ZNF576: variants seen among roughly 807,000 people sequenced by gnomAD.
ZNF576 encodes zinc finger protein 576.
ZNF576 carries 9 observed loss-of-function variants against 10.8 expected under a neutral mutation model. That is an observed-to-expected ratio of 0.84 (90% confidence interval 0.50 to 1.46). ZNF576 has a LOEUF of 1.46. Ranked by LOEUF, ZNF576 falls within the 40% of genes most tolerant of loss-of-function variation. ZNF576 has a pLI of 0.00. For synonymous variants in ZNF576, 88 were observed against 89.6 expected (o/e 0.98, Z 0.10); for missense variants, 191 against 233.7 (o/e 0.82, Z 1.19).
intron 2 of ZNF576, among the ~76,000 whole-genome samples, chr19:43,598,127 A>G (rs1973170072): frequency 6.6e-6 from 1 of 152,266 alleles, no homozygotes; most frequent in Non-Finnish European, 1.5e-5. Context: ...ATAAAGCAGC[A>G]GCAGACATTC....
At position 43,600,568 on chromosome 19, in the gene ZNF576, C is replaced by G. The variant is rs923701065; in HGVS notation, c.*1310C>G. 3 of 152,186 alleles carry G rather than the reference C, an allele frequency of 2.0e-5. No homozygotes were observed. Among genetic ancestry groups the G allele is most frequent in the African/African-American group, 7.2e-5 (3 of 41,432 alleles). 9.4% of individuals were successfully genotyped at this position (152,186 alleles called of 1,614,324 possible). ...AGAACAGTCAAGCTTAAGAAAGGGACGGCTGGGCACAGTGGCTCACGCCTG... is the reference window on the plus strand; with the variant it reads ...AGAACAGTCAAGCTTAAGAAAGGGAGGGCTGGGCACAGTGGCTCACGCCTG... On this transcript the variant is annotated 3_prime_UTR_variant, in exon 3 of 3. Coordinates refer to ENST00000336564, the MANE Select transcript of ZNF576 (RefSeq NM_001145347.2).
In ZNF576 at chr19:43,597,154, C is replaced by T. The variant is rs996129527; in HGVS notation, c.46C>T (p.Pro16Ser). 2.7e-5 allele frequency: 44 copies of T among 1,613,986 alleles called. No homozygotes were observed. Among genetic ancestry groups the T allele is most frequent in the Non-Finnish European group, 3.7e-5 (44 of 1,180,008 alleles). The part of the protein sequence containing the change: ...PEENMKQQDS[P>S]KERSPQSPGG... ...AGAGAACATGAAGCAGCAGGATTCACCCAAGGAGAGAAGTCCCCAGAGCCC... is the reference window on the plus strand; with the variant it reads ...AGAGAACATGAAGCAGCAGGATTCATCCAAGGAGAGAAGTCCCCAGAGCCC... Residue 16 changes from proline (P) to serine (S), a missense_variant, in exon 2 of 3, where the codon CCC becomes TCC. Physicochemically the swap from Pro to Ser is moderately conservative, Grantham distance 74 (BLOSUM62 -1). Coordinates refer to ENST00000336564, the MANE Select transcript of ZNF576 (RefSeq NM_001145347.2).
Position 43,597,093 on chromosome 19 carries a change from G to C in ZNF576, c.-15-1G>C. 6.2e-7 allele frequency: 1 copy of C among 1,613,820 alleles called. No homozygotes were observed. The highest frequency in any genetic ancestry group is 8.5e-7 in the Non-Finnish European group (1 of 1,179,752). Reference sequence around the variant, plus strand: ...CTTATGCACGCTCCTCTCCTGACTAGAAGGGTCCCAGCACCATGGAGGACC... The same window carrying C: ...CTTATGCACGCTCCTCTCCTGACTACAAGGGTCCCAGCACCATGGAGGACC... On this transcript the variant is annotated splice_acceptor_variant, in intron 1 of 2. Transcript: ENST00000336564. LOFTEE classifies it low-confidence loss of function (5UTR_SPLICE).
In ZNF576 at chr19:43,599,177, C is replaced by G; in HGVS notation, c.432C>G (p.Ala144=). The G allele has an allele frequency of 6.2e-7, 1 of 1,614,268 alleles. No homozygotes were observed. The highest frequency in any genetic ancestry group is 8.5e-7 in the Non-Finnish European group (1 of 1,180,046). ...TCCGTGCCCCTCCTGGCACCTTCGC[C>G]TGCACAGAGTGCGGTCAGGACTTTG... ...HEVRAPPGTF[A]CTECGQDFAQ... The change falls in exon 3 of 3, where the codon GCC becomes GCG. Residue 144 remains alanine (A), a synonymous_variant. Transcript: ENST00000336564.
chr19:43,599,565 G>A lies in ZNF576; in HGVS notation c.*307G>A, dbSNP rs1973188908. The A allele has an allele frequency of 8.4e-6, 3 of 358,100 alleles. No individual in the cohort carries two copies. Among genetic ancestry groups the A allele is most frequent in the Non-Finnish European group, 1.5e-5 (3 of 195,980 alleles). 22.2% of individuals were successfully genotyped at this position (358,100 alleles called of 1,614,324 possible). On this transcript the variant is annotated 3_prime_UTR_variant, in exon 3 of 3. Coordinates refer to ENST00000336564, the MANE Select transcript of ZNF576 (RefSeq NM_001145347.2). ...CTTATTCCCAGTTAAATACCTAGCT[G>A]CAGATTGTGCCATCACCCTTCATTC...
At chr19:43,598,772 A>G in intron 2 of ZNF576, 59 bp from the exon 3 acceptor site, 1 of 1,366,150 alleles carries the variant, frequency 7.3e-7, no homozygotes, top group South Asian at 1.4e-5. Flanking sequence ...TCTGGGGTTC[A>G]GGAAGAGGTC....
In ZNF576 at chr19:43,598,890, C is replaced by T; in HGVS notation, c.145C>T (p.Gln49Ter). 1 of 1,603,110 alleles carries T rather than the reference C, an allele frequency of 6.2e-7. No homozygotes were observed. Among genetic ancestry groups the T allele is most frequent in the Non-Finnish European group, 8.5e-7 (1 of 1,172,244 alleles). ...CATCACCTTCGCAGATTCCAAGTTC[C>T]AGGAGCGTCACATGAAGCGGGAGCA... The part of the protein sequence containing the change: ...CLITFADSKF[Q>*]ERHMKREHPA... Residue 49 changes from glutamine (Q) to a stop codon, truncating the protein, a stop_gained, in exon 3 of 3, where the codon CAG (glutamine) becomes TAG (stop). Coordinates refer to ENST00000336564, the MANE Select transcript of ZNF576 (RefSeq NM_001145347.2). LOFTEE classifies it high-confidence loss of function.
rs1600081257 is a variant in ZNF576 at position 43,599,335 on chromosome 19, C to A, written c.*77C>A. 4 of 1,445,248 alleles carry A rather than the reference C, an allele frequency of 2.8e-6. No individual in the cohort carries two copies. Among genetic ancestry groups the A allele is most frequent in the African/African-American group, 1.4e-5 (1 of 70,922 alleles). 89.5% of individuals were successfully genotyped at this position (1,445,248 alleles called of 1,614,324 possible). The stretch of plus-strand genomic sequence containing the variant: ...TCACCCATGATATGGGGTGCAGGAA[C>A]TCTGGGGGCCCTGAAGGATTTGCTT... On this transcript the variant is annotated 3_prime_UTR_variant, in exon 3 of 3. Coordinates refer to ENST00000336564, the MANE Select transcript of ZNF576 (RefSeq NM_001145347.2).
chr19:43,597,324 G>C, intron 2 of ZNF576, 131 bp downstream of exon 2: 1 of 753,218 alleles, frequency 1.3e-6, no homozygotes, highest in Non-Finnish European at 2.3e-6. Flanking sequence ...TGGTCCCTGA[G>C]CTGCTCTAGC....
chr19:43,598,991 C>T lies in ZNF576; in HGVS notation c.246C>T (p.Ser82=). The stretch of plus-strand genomic sequence containing the variant: ...TCACCTGCGCCCGCTCCTTCCCCTC[C>T]TCCAAAGCCCTAATCACCCACCAGC... ...ICFTCARSFP[S]SKALITHQRS... is the part of the protein sequence containing the mutation. Residue 82 remains serine, a synonymous_variant, in exon 3 of 3, where the codon TCC becomes TCT. Transcript: ENST00000336564. 1.2e-6 allele frequency: 2 copies of T among 1,614,210 alleles called. No homozygotes were observed. The highest frequency in any genetic ancestry group is 1.7e-6 in the Non-Finnish European group (2 of 1,180,020).
rs1313949072 is a variant in ZNF576 at position 43,599,866 on chromosome 19, T to C, written c.*608T>C. The C allele has an allele frequency of 6.6e-6, 1 of 152,428 alleles. No individual in the cohort carries two copies. The highest frequency in any genetic ancestry group is 1.5e-5 in the Non-Finnish European group (1 of 68,198). The allele number at this position is 152,428 out of a possible 1,614,324, so 9.4% of individuals were successfully genotyped here. A position where few individuals can be genotyped will look rare whatever the true frequency, so the allele number is the denominator to read the frequency against. ...ATGGCACTAGTCCCCCGATAATTTATGTCTCGTTGAAATAATTTTGTATAT... is the reference window on the plus strand; with the variant it reads ...ATGGCACTAGTCCCCCGATAATTTACGTCTCGTTGAAATAATTTTGTATAT... On this transcript the variant is annotated 3_prime_UTR_variant, in exon 3 of 3. Coordinates refer to ENST00000336564, the MANE Select transcript of ZNF576 (RefSeq NM_001145347.2).
intron 2 of ZNF576, 50 bp downstream of exon 2, chr19:43,597,243 A>G (rs1600079753): frequency 6.5e-7 from 1 of 1,546,110 alleles, no homozygotes; most frequent in East Asian, 2.2e-5. Flanking sequence ...GCAGGAGCTG[A>G]TGCTAAGATC....
intron 2 of ZNF576, among the ~76,000 whole-genome samples, chr19:43,597,795 CAG>C (rs1973164794): frequency 6.6e-6 from 1 of 152,196 alleles, no homozygotes; most frequent in South Asian, 2.1e-4. Context: ...GGAACTGAGG[CAG>C]AGAGAGGTAT....
At chr19:43,598,765 G>A in intron 2 of ZNF576, 66 bp from the exon 3 acceptor site, 1 of 1,280,768 alleles carries the variant, frequency 7.8e-7, no homozygotes. Flanking sequence ...GTGTGATTCT[G>A]GGGTTCAGGA....
At chr19:43,596,528 C>T (rs1171957636), upstream of ZNF576, 2 of 152,894 alleles carry the variant, frequency 1.3e-5, no homozygotes, top group Non-Finnish European at 2.9e-5. Flanking sequence ...TCCCACTTCT[C>T]TCTGGGGCGG....
intron 2 of ZNF576, among the ~76,000 whole-genome samples, chr19:43,597,808 T>G (rs1425295158): frequency 6.6e-6 from 1 of 152,130 alleles, no homozygotes; most frequent in Non-Finnish European, 1.5e-5. Context: ...AGAGAGGTAT[T>G]TGTAACAAGA....
rs572771126 is a variant in ZNF576, at chr19:43,600,310, C to G, written c.*1052C>G. Reference sequence around the variant, plus strand: ...GAGTCCCACCAGGCCAGTTTTACCCCCTTAGTTACCTGCCCTGCACCTGCA... The same window carrying G: ...GAGTCCCACCAGGCCAGTTTTACCCGCTTAGTTACCTGCCCTGCACCTGCA... On this transcript the variant is annotated 3_prime_UTR_variant, in exon 3 of 3. Transcript: ENST00000336564. 1.3e-5 allele frequency: 2 copies of G among 152,338 alleles called. No homozygotes were observed. The highest frequency in any genetic ancestry group is 4.8e-5 in the African/African-American group (2 of 41,572). The allele number at this position is 152,338 out of a possible 1,614,324, so 9.4% of individuals were successfully genotyped here.
Position 43,598,896 on chromosome 19 carries a change from C to T in ZNF576, c.151C>T (p.Arg51Cys), listed in dbSNP as rs1215433900. 6 of 1,604,594 alleles carry T rather than the reference C, an allele frequency of 3.7e-6. No homozygotes were observed. In the African/African-American group the frequency reaches 4.0e-5, roughly 11 times the overall value. ...CTTCGCAGATTCCAAGTTCCAGGAG[C>T]GTCACATGAAGCGGGAGCACCCAGC... Reference protein sequence around the residue: ...ITFADSKFQERHMKREHPADF... With the variant: ...ITFADSKFQECHMKREHPADF... Residue 51 changes from arginine (R) to cysteine (C), a missense_variant, in exon 3 of 3, where the codon CGT (arginine) becomes TGT (cysteine). Coordinates refer to ENST00000336564, the MANE Select transcript of ZNF576 (RefSeq NM_001145347.2).
intron 1 of ZNF576, 117 bp from the exon 2 acceptor site, chr19:43,596,977 G>A: frequency 1.4e-6 from 1 of 733,176 alleles, no homozygotes; most frequent in Non-Finnish European, 2.3e-6. Flanking sequence ...TATGTCGTAG[G>A]GGTCAAAGGC....
Sources: allele counts gnomAD v4.1 joint callset (sites outside exome capture counted in the v4.1 genomes callset), GRCh38; gene constraint gnomAD v4.1.1; transcripts MANE v1.5; gene names NCBI Gene and HGNC (gene_info 2026-07-23, HGNC 2026-07-21).